The following NRXN3 variants were observed in gnomAD, a reference collection of about 807,000 sequenced individuals.
The protein encoded by NRXN3 is neurexin 3.
Under a neutral mutation model 137.6 loss-of-function variants are expected in NRXN3, and 32 were observed. The ratio of observed to expected loss-of-function variants is 0.23; its 90% CI spans 0.18 to 0.31. NRXN3 has a LOEUF of 0.31. Ranked by LOEUF, NRXN3 falls within the 10% of genes least tolerant of loss-of-function variation. The pLI, the probability that NRXN3 is intolerant of heterozygous loss-of-function variation, is 1.00. For missense variants in NRXN3, 1,574 were observed against 2,062.5 expected (o/e 0.76, Z 4.59); for synonymous variants, 798 against 784.5 (o/e 1.02, Z -0.29).
At chr14:78,674,258 C>A (rs1297268868) in intron 6 of NRXN3, among the ~76,000 whole-genome samples, 1 of 152,186 alleles carries the variant, frequency 6.6e-6, no homozygotes, top group Non-Finnish European at 1.5e-5. Flanking sequence ...TCTTTCAAAT[C>A]TATTTGCTTA....
intron 10 of NRXN3, among the ~76,000 whole-genome samples, chr14:78,949,050 G>A (rs901224180): frequency 2.6e-5 from 4 of 152,074 alleles, no homozygotes; most frequent in African/African-American, 9.7e-5. Flanking sequence ...CAAAGCAACT[G>A]GTACTTCTTT....
intron 4 of NRXN3, among the ~76,000 whole-genome samples, chr14:78,320,547 AT>A (rs1392428023): frequency 6.6e-6 from 1 of 152,142 alleles, no homozygotes; most frequent in African/African-American, 2.4e-5. Context: ...GGATGTGAAT[AT>A]TTACCTAGCA....
intron 8 of NRXN3, among the ~76,000 whole-genome samples, chr14:78,790,953 T>C (rs1368790693): frequency 6.6e-6 from 1 of 152,214 alleles, no homozygotes; most frequent in Non-Finnish European, 1.5e-5. Flanking sequence ...ATCACATGAA[T>C]TGCATACTCT....
chr14:79,007,075 C>A (rs1157263363), intron 15 of NRXN3, among the ~76,000 whole-genome samples: 2 of 151,946 alleles, frequency 1.3e-5, no homozygotes, highest in South Asian at 2.1e-4. Flanking sequence ...GATAACCACT[C>A]CCACCCCCCA....
intron 17 of NRXN3, among the ~76,000 whole-genome samples, chr14:79,680,271 C>T (rs992879436): frequency 3.9e-5 from 6 of 151,922 alleles, no homozygotes; most frequent in Non-Finnish European, 7.4e-5. Flanking sequence ...GCTATTTGGG[C>T]GGCTGAGGCA....
chr14:78,399,563 C>T (rs2091851931), intron 4 of NRXN3, among the ~76,000 whole-genome samples: 2 of 152,152 alleles, frequency 1.3e-5, no homozygotes, highest in Admixed American at 1.3e-4. Context: ...ATTTCTCTGT[C>T]TTCTAATTTC....
At chr14:79,569,690 C>G (rs1490585389) in intron 16 of NRXN3, among the ~76,000 whole-genome samples, 2 of 151,552 alleles carry the variant, frequency 1.3e-5, no homozygotes, top group African/African-American at 4.9e-5. Flanking sequence ...CTCCCTGCAA[C>G]CTCCGTCTCC....
chr14:78,180,426 C>A (rs576996177), intron 1 of NRXN3, among the ~76,000 whole-genome samples: 1 of 152,170 alleles, frequency 6.6e-6, no homozygotes, highest in Non-Finnish European at 1.5e-5. Context: ...GCTGAGCTGC[C>A]GCTGCATTAA....
chr14:78,540,642 G>T (rs1429107720), intron 4 of NRXN3, among the ~76,000 whole-genome samples: 4 of 152,072 alleles, frequency 2.6e-5, no homozygotes, highest in African/African-American at 9.7e-5. Flanking sequence ...TGTTATGTGT[G>T]AATTTGATTC....
intron 16 of NRXN3, among the ~76,000 whole-genome samples, chr14:79,577,883 A>C (rs1375449721): frequency 6.6e-6 from 1 of 152,234 alleles, no homozygotes; most frequent in African/African-American, 2.4e-5. Context: ...TGCACTGACC[A>C]GATGTCTCAA....
chr14:78,810,041 G>A (rs2098901600), intron 9 of NRXN3, among the ~76,000 whole-genome samples: 2 of 150,846 alleles, frequency 1.3e-5, no homozygotes, highest in African/African-American at 4.9e-5. Context: ...AAAAATGTTT[G>A]GTGTCTACTG....
At chr14:79,444,984 G>A (rs1232923248) in intron 15 of NRXN3, among the ~76,000 whole-genome samples, 2 of 152,126 alleles carry the variant, frequency 1.3e-5, no homozygotes, top group Non-Finnish European at 2.9e-5. Flanking sequence ...ATCACAATAA[G>A]CAACAGCATA....
intron 15 of NRXN3, among the ~76,000 whole-genome samples, chr14:79,415,661 C>T (rs1293165678): frequency 1.3e-5 from 2 of 151,980 alleles, no homozygotes; most frequent in African/African-American, 4.8e-5. Flanking sequence ...CTCTATACAC[C>T]CATGCCTGTC....
chr14:78,748,421 C>T (rs189163659), intron 8 of NRXN3, among the ~76,000 whole-genome samples: 66 of 152,084 alleles, frequency 4.3e-4, no homozygotes, highest in African/African-American at 1.1e-3. Flanking sequence ...TGAGAGCCAG[C>T]GGATGCGGTA....
chr14:78,696,448 C>T (rs1402862340), intron 6 of NRXN3, among the ~76,000 whole-genome samples: 1 of 151,958 alleles, frequency 6.6e-6, no homozygotes, highest in African/African-American at 2.4e-5. Context: ...GGTAAATGTA[C>T]TATTGTTATC....
Position 78,709,537 on chromosome 14 carries a change from T to C in NRXN3, c.1542T>C (p.Asp514=), listed in dbSNP as rs1252683938. The C allele has an allele frequency of 1.9e-6, 3 of 1,614,060 alleles. No individual in the cohort carries two copies. The highest frequency in any genetic ancestry group is 2.5e-6 in the Non-Finnish European group (3 of 1,180,000). Residue 514 remains aspartate, a synonymous_variant, in exon 7 of 21, where the codon GAT becomes GAC. Coordinates refer to ENST00000335750, the MANE Select transcript of NRXN3 (RefSeq NM_001330195.2). Reference sequence around the variant, plus strand: ...ACTTCTTTGCCGTGGAACTCCTCGATGGCAACCTGTACTTGCTGCTTGACA... The same window carrying C: ...ACTTCTTTGCCGTGGAACTCCTCGACGGCAACCTGTACTTGCTGCTTGACA... ...KVDFFAVELL[D]GNLYLLLDMG... is the part of the protein sequence containing the mutation.
At chr14:78,863,470 T>G (rs2152537639) in intron 10 of NRXN3, among the ~76,000 whole-genome samples, 1 of 152,190 alleles carries the variant, frequency 6.6e-6, no homozygotes, top group East Asian at 1.9e-4. Flanking sequence ...TGATTGCTCT[T>G]TGTATGATCT....
intron 19 of NRXN3, among the ~76,000 whole-genome samples, chr14:79,784,919 A>T (rs1176754023): frequency 6.6e-6 from 1 of 152,180 alleles, no homozygotes; most frequent in East Asian, 1.9e-4. Flanking sequence ...ACTGTTGTAC[A>T]GGCTAAACAT....
At position 79,330,077 on chromosome 14, in the gene NRXN3, G is replaced by A. The variant is rs187449837; in HGVS notation, c.3263-137144G>A. On this transcript the variant is annotated intron_variant, in intron 15 of 20. Transcript: ENST00000335750. Reference sequence around the variant, plus strand: ...GATCTCTTGACCTCATGATCTGCCCGCCTCGGCCTCCCAAAGTGCTGGGAT... The same window carrying A: ...GATCTCTTGACCTCATGATCTGCCCACCTCGGCCTCCCAAAGTGCTGGGAT... 6.3e-4 allele frequency among the ~76,000 whole-genome samples: 96 copies of A among 152,058 alleles called. 2 individuals are homozygous for A. The East Asian group carries it at 9.3e-3, about 15-fold the overall frequency.
Sources: allele counts gnomAD v4.1 joint callset (sites outside exome capture counted in the v4.1 genomes callset), GRCh38; gene constraint gnomAD v4.1.1; transcripts MANE v1.5; gene names NCBI Gene and HGNC (gene_info 2026-07-23, HGNC 2026-07-21).